Variants in CD226 observed in about 807,000 individuals in gnomAD.
CD226 encodes the protein CD226 molecule.
In CD226, 24 loss-of-function variants were observed where a neutral mutation model predicts 34.9. The observed-to-expected ratio is 0.69, with a 90% CI of 0.50 to 0.97. The LOEUF is 0.97. Ranked by LOEUF, CD226 falls within the 50% of genes least tolerant of loss-of-function variation. The pLI is 0.00. For missense variants in CD226, 397 were observed against 412.7 expected, an observed-to-expected ratio of 0.96 and a Z score of 0.33; for synonymous variants, 148 against 147.4, an observed-to-expected ratio of 1.00 and a Z score of -0.03.
chr18:69,902,018 G>A (rs924703156), intron 2 of CD226, among the ~76,000 whole-genome samples: 23 of 152,232 alleles, frequency 1.5e-4, no homozygotes, highest in Middle Eastern at 6.8e-3. Context: ...GTATTAATGT[G>A]CCTGTTTCAC....
chr18:69,952,774 G>T (rs957399132), upstream of CD226, among the ~76,000 whole-genome samples: 3 of 152,176 alleles, frequency 2.0e-5, no homozygotes, highest in Non-Finnish European at 4.4e-5. Flanking sequence ...AAACTTTTGT[G>T]CATCAAAGGA....
chr18:69,924,071 A>G (rs1232251191), intron 2 of CD226, among the ~76,000 whole-genome samples: 3 of 152,220 alleles, frequency 2.0e-5, no homozygotes, highest in South Asian at 2.1e-4. Flanking sequence ...AGCAACTGCC[A>G]ACAGAAACCT....
At chr18:69,906,023 C>T (rs1266014377) in intron 2 of CD226, among the ~76,000 whole-genome samples, 1 of 152,226 alleles carries the variant, frequency 6.6e-6, no homozygotes, top group South Asian at 2.1e-4. Flanking sequence ...AATTTCCTTC[C>T]TCTTCTCATA....
chr18:69,895,619 T>TTTTC, intron 3 of CD226, 82 bp downstream of exon 3: 22 of 983,164 alleles, frequency 2.2e-5, no homozygotes, highest in Non-Finnish European at 3.4e-5. Context: ...TGAACATGTT[T>TTTTC]ACCATAAATA....
rs558880412 is a variant in CD226, at chr18:69,888,410, C to G, written c.727+7291G>C. Reference sequence around the variant, plus strand: ...TAGCCATGCACTGACTATTTTTTTCCTTTCTCTTTTTTTTTTTTTTTTTTT... The same window carrying G: ...TAGCCATGCACTGACTATTTTTTTCGTTTCTCTTTTTTTTTTTTTTTTTTT... On this transcript the variant is annotated intron_variant, in intron 3 of 5. Transcript: ENST00000582621. Among the ~76,000 whole-genome samples, 199 of 134,190 alleles carry G rather than the reference C, an allele frequency of 1.5e-3. 1 individual carries two copies. The highest frequency in any genetic ancestry group is 5.0e-3 in the African/African-American group (187 of 37,680). 88.0% of individuals were successfully genotyped at this position (134,190 alleles called of 152,430 possible).
At chr18:69,939,540 G>A (rs1255611010) in intron 2 of CD226, among the ~76,000 whole-genome samples, 1 of 152,062 alleles carries the variant, frequency 6.6e-6, no homozygotes, top group Non-Finnish European at 1.5e-5. Context: ...CCAATTTTTT[G>A]CTATTGCAAT....
intron 2 of CD226, among the ~76,000 whole-genome samples, chr18:69,924,550 C>CAAAAAAAAAAA (rs79328097): frequency 1.1e-5 from 1 of 94,502 alleles, no homozygotes. Context: ...CCTAGACTTA[C>CAAAAAAAAAAA]AAAAAAAAAA....
chr18:69,952,101 G>T (rs1039610605), upstream of CD226, among the ~76,000 whole-genome samples: 2 of 152,086 alleles, frequency 1.3e-5, no homozygotes, highest in Non-Finnish European at 2.9e-5. Flanking sequence ...GCCCTAAAAA[G>T]AATGAAATCA....
intron 1 of CD226, chr18:69,956,723 C>T (rs2055900855): frequency 6.6e-6 from 1 of 152,228 alleles, no homozygotes; most frequent in East Asian, 1.9e-4. Flanking sequence ...AGCTCAGACA[C>T]ATCCAGTCTT....
chr18:69,884,096 A>C (rs1800484826), intron 3 of CD226, among the ~76,000 whole-genome samples: 1 of 152,236 alleles, frequency 6.6e-6, no homozygotes, highest in South Asian at 2.1e-4. Flanking sequence ...GAAAGCCTCC[A>C]AAAATCCAAG....
intron 2 of CD226, among the ~76,000 whole-genome samples, chr18:69,910,094 T>G (rs151119224): frequency 6.6e-6 from 1 of 152,358 alleles, no homozygotes; most frequent in East Asian, 1.9e-4. Context: ...CAGCCTGAAC[T>G]TTTTTCATTT....
At chr18:69,961,667 T>C (rs562893287), upstream of CD226, 55 of 152,338 alleles carry the variant, frequency 3.6e-4, no homozygotes, top group African/African-American at 1.3e-3. Flanking sequence ...CTTCCTCCAC[T>C]GTTTTTAGTC....
chr18:69,913,846 A>C (rs2055355123), intron 2 of CD226, among the ~76,000 whole-genome samples: 1 of 152,210 alleles, frequency 6.6e-6, no homozygotes. Context: ...GATGTGCTAA[A>C]AGAATTGGAG....
intron 2 of CD226, among the ~76,000 whole-genome samples, chr18:69,945,291 T>G (rs6566448): frequency 0.014 from 2,169 of 152,310 alleles, 64 homozygotes; most frequent in African/African-American, 0.049. Flanking sequence ...ACAAGTAGAA[T>G]GGCACTACCA....
At chr18:69,943,210 C>T (rs2055747678) in intron 2 of CD226, among the ~76,000 whole-genome samples, 2 of 152,298 alleles carry the variant, frequency 1.3e-5, no homozygotes, top group South Asian at 2.1e-4. Flanking sequence ...ACCCAGTAAA[C>T]ACTAGGTGGC....
At chr18:69,958,076 C>T (rs2055911047), upstream of CD226, among the ~76,000 whole-genome samples, 2 of 152,314 alleles carry the variant, frequency 1.3e-5, no homozygotes, top group East Asian at 3.9e-4. Context: ...GGTCTCAGCT[C>T]CAATGTATCT....
intron 3 of CD226, among the ~76,000 whole-genome samples, chr18:69,887,993 T>C (rs994163532): frequency 2.6e-5 from 4 of 152,202 alleles, no homozygotes; most frequent in African/African-American, 4.8e-5. Context: ...TTCTTCATTT[T>C]CCGTCCTCTT....
At chr18:69,901,541 T>C (rs1173271744) in intron 2 of CD226, among the ~76,000 whole-genome samples, 1 of 152,170 alleles carries the variant, frequency 6.6e-6, no homozygotes, top group Admixed American at 6.5e-5. Flanking sequence ...TGCTATTCTT[T>C]CTATTTTTGT....
At chr18:69,943,591 G>T (rs2055752291) in intron 2 of CD226, among the ~76,000 whole-genome samples, 1 of 152,212 alleles carries the variant, frequency 6.6e-6, no homozygotes, top group East Asian at 1.9e-4. Flanking sequence ...GAGAGGGGTA[G>T]CATTGATAGG....
Sources: allele counts gnomAD v4.1 joint callset (sites outside exome capture counted in the v4.1 genomes callset), GRCh38; gene constraint gnomAD v4.1.1; transcripts MANE v1.5; gene names NCBI Gene and HGNC (gene_info 2026-07-23, HGNC 2026-07-21).